Variants in ADGRF5 observed in about 807,000 individuals in gnomAD.
The protein encoded by ADGRF5 is adhesion G protein-coupled receptor F5, also known as G-protein coupled receptor 116.
A neutral mutation model predicts 132.3 loss-of-function variants in ADGRF5; 75 were observed. That is an observed-to-expected ratio of 0.57 (90% confidence interval 0.47 to 0.69). ADGRF5 has a LOEUF of 0.69. ADGRF5 is among the 30% of genes least tolerant of loss of function. The pLI is 0.00. For missense variants in ADGRF5, 1,516 were observed against 1,630.6 expected (o/e 0.93, Z 1.21); for synonymous variants, 629 against 597.6 (o/e 1.05, Z -0.77).
intron 3 of ADGRF5, among the ~76,000 whole-genome samples, chr6:46,892,719 C>T (rs1773775472): frequency 6.6e-6 from 1 of 152,124 alleles, no homozygotes; most frequent in African/African-American, 2.4e-5. Context: ...CACTGCACTC[C>T]AGCCTGGGAG....
At chr6:46,932,887 T>C (rs887229111) in intron 1 of ADGRF5, among the ~76,000 whole-genome samples, 1 of 152,212 alleles carries the variant, frequency 6.6e-6, no homozygotes, top group African/African-American at 2.4e-5. Context: ...ATACATAATA[T>C]GTCATGCACA....
At position 46,858,697 on chromosome 6, in the gene ADGRF5, A is replaced by G. The variant is rs1399365634; in HGVS notation, c.3206T>C (p.Ile1069Thr). Residue 1069 changes from isoleucine to threonine, a missense_variant, in exon 17 of 21, where the codon ATT becomes ACT. By Grantham distance (89) the Ile-to-Thr change is moderately conservative (BLOSUM62 -1). Transcript: ENST00000283296. ...ATTGTCCTGGATGGCAGCGACCACA[A>G]TGAACCAGGTGTTGGCGACCAGAAG... ...ASLLVANTWF[I>T]VVAAIQDNRY... is the part of the protein sequence containing the mutation. The G allele has an allele frequency of 6.2e-7, 1 of 1,614,164 alleles. No homozygotes were observed. The highest frequency in any genetic ancestry group is 8.5e-7 in the Non-Finnish European group (1 of 1,180,020).
At chr6:46,877,212 T>C (rs1771755028) in intron 10 of ADGRF5, among the ~76,000 whole-genome samples, 1 of 152,184 alleles carries the variant, frequency 6.6e-6, no homozygotes, top group African/African-American at 2.4e-5. Context: ...TGGTGAGTCC[T>C]AATTTATTTC....
chr6:46,934,290 T>C (rs886231284), intron 1 of ADGRF5, among the ~76,000 whole-genome samples: 2 of 152,186 alleles, frequency 1.3e-5, no homozygotes, highest in Non-Finnish European at 2.9e-5. Flanking sequence ...CCAGCACACA[T>C]AATTCTGGAC....
chr6:46,859,297 C>G lies in ADGRF5; in HGVS notation c.2606G>C (p.Arg869Thr), dbSNP rs777423789. 10 of 1,613,820 alleles carry G rather than the reference C, an allele frequency of 6.2e-6. No individual in the cohort carries two copies. The highest frequency in any genetic ancestry group is 2.2e-5 in the East Asian group (1 of 44,884). The change falls in exon 17 of 21, where the codon AGG (arginine) becomes ACG (threonine). Residue 869 changes from arginine to threonine, a missense_variant. This residue lies in a region of ADGRF5 where 571 missense variants were observed against 701.2 expected (regional missense o/e 0.81). Transcript: ENST00000283296. ...GAGGTCAAAGTATGGGAAAACAAAC[C>G]TCTGTTGATAGGTTTCTGGGTGGCT... ...KSSHPETYQQRFVFPYFDLWG... is the reference protein window; with the variant it reads ...KSSHPETYQQTFVFPYFDLWG...
At chr6:46,855,347 T>C (rs865980832) in intron 20 of ADGRF5, among the ~76,000 whole-genome samples, 1 of 152,220 alleles carries the variant, frequency 6.6e-6, no homozygotes, top group Admixed American at 6.5e-5. Flanking sequence ...TTTATGTATA[T>C]TTGCTTATTT....
chr6:46,860,628 A>G, intron 16 of ADGRF5, 87 bp downstream of exon 16: 1 of 904,818 alleles, frequency 1.1e-6, no homozygotes, highest in Non-Finnish European at 1.8e-6. Context: ...AGAAGCTGCA[A>G]TGGGGAGGAA....
rs536254666 is a variant in ADGRF5, at chr6:46,876,603, T to TTTG, written c.1240+1596_1240+1598dup. Among the ~76,000 whole-genome samples, 26 of 152,252 alleles carry TTTG rather than the reference T, an allele frequency of 1.7e-4. No individual in the cohort carries two copies. The East Asian group carries it at 4.4e-3, about 26-fold the overall frequency. ...AAAATTTGCCTGTAAATTGATAGTT[T>TTTG]TTGTTGTTGTTGTTGTTTGAGACAG... is the stretch of plus-strand genomic sequence containing the variant. On this transcript the variant is annotated intron_variant, in intron 10 of 20. Transcript: ENST00000283296.
At chr6:46,881,141 G>A (rs1772417623) in intron 8 of ADGRF5, among the ~76,000 whole-genome samples, 1 of 152,144 alleles carries the variant, frequency 6.6e-6, no homozygotes, top group South Asian at 2.1e-4. Flanking sequence ...TCTTATTGGT[G>A]CATTTTGTGA....
At position 46,858,867 on chromosome 6, in the gene ADGRF5, C is replaced by G; in HGVS notation, c.3036G>C (p.Leu1012=). ...PDPSSLLGIL[L]DIISYVGVGF... ...CCACCCCAACATAAGAAATAATATCCAGGAGTATTCCCAGGAGAGAACTAG... is the reference window on the plus strand; with the variant it reads ...CCACCCCAACATAAGAAATAATATCGAGGAGTATTCCCAGGAGAGAACTAG... The change falls in exon 17 of 21, where the codon CTG becomes CTC. Residue 1012 remains leucine (L), a synonymous_variant. Coordinates refer to ENST00000283296, the MANE Select transcript of ADGRF5 (RefSeq NM_001098518.2). 6.2e-7 allele frequency: 1 copy of G among 1,614,020 alleles called. No individual in the cohort carries two copies. Among genetic ancestry groups the G allele is most frequent in the South Asian group, 1.1e-5 (1 of 91,086 alleles).
At chr6:46,890,535 T>C (rs1027276363) in intron 3 of ADGRF5, among the ~76,000 whole-genome samples, 20 of 174 alleles carry the variant, frequency 0.11, no homozygotes, top group Non-Finnish European at 0.15. Context: ...CTGGCCAACA[T>C]GGGAAACCCC....
intron 1 of ADGRF5, among the ~76,000 whole-genome samples, chr6:46,951,239 T>C (rs1226544787): frequency 6.6e-6 from 1 of 152,148 alleles, no homozygotes; most frequent in African/African-American, 2.4e-5. Flanking sequence ...CAGAAAGGCA[T>C]AGGAGCAACA....
chr6:46,918,504 CCT>C (rs1491239509), intron 1 of ADGRF5, among the ~76,000 whole-genome samples: 1 of 152,048 alleles, frequency 6.6e-6, no homozygotes, highest in Non-Finnish European at 1.5e-5. Context: ...CTTTTTTTCC[CCT>C]TTCTCTTGGG....
chr6:46,946,754 A>G (rs1470273004), intron 1 of ADGRF5, among the ~76,000 whole-genome samples: 1 of 152,128 alleles, frequency 6.6e-6, no homozygotes, highest in Admixed American at 6.5e-5. Flanking sequence ...TGGTGGTGAG[A>G]AGGCCAATGG....
rs1351746424 is a variant in ADGRF5, at chr6:46,860,847, CA to C, written c.2246del (p.Leu749ArgfsTer8). 6.2e-7 allele frequency: 1 copy of C among 1,613,940 alleles called. No homozygotes were observed. The highest frequency in any genetic ancestry group is 1.7e-5 in the Admixed American group (1 of 60,018). The stretch of plus-strand genomic sequence containing the variant: ...TGTCTATGCTAATAGAAAGATCCTT[CA>C]GGTATGTAGGGAGCATCTCATCCTG... ...PSQDEMLPTY[L>X]KDLSISIDKA... On this transcript the variant is annotated frameshift_variant, in exon 16 of 21. Transcript: ENST00000283296. LOFTEE classifies it high-confidence loss of function.
chr6:46,897,584 T>C (rs1306499200), intron 3 of ADGRF5, among the ~76,000 whole-genome samples: 3 of 152,210 alleles, frequency 2.0e-5, no homozygotes, highest in Admixed American at 1.3e-4. Flanking sequence ...TGTTCTTTTT[T>C]TTCTCTTTGA....
chr6:46,881,074 G>A (rs1220336024), intron 8 of ADGRF5, among the ~76,000 whole-genome samples: 6 of 152,170 alleles, frequency 3.9e-5, no homozygotes, highest in East Asian at 1.9e-4. Context: ...CACTCCAGCC[G>A]GGATGACAGA....
At chr6:46,878,437 A>G (rs1187373133) in intron 9 of ADGRF5, 32 bp from the exon 10 acceptor site, 2 of 1,261,998 alleles carry the variant, frequency 1.6e-6, no homozygotes, top group Non-Finnish European at 2.3e-6. Flanking sequence ...ATGTATTATT[A>G]TAACACATGT....
chr6:46,854,800 GTT>G lies in ADGRF5; in HGVS notation c.3962-731_3962-730del, dbSNP rs1441429677. On this transcript the variant is annotated intron_variant, in intron 20 of 20. Transcript: ENST00000283296. The stretch of plus-strand genomic sequence containing the variant: ...GGGGCTGCTGACAACATAAACCAAA[GTT>G]ACGGTGCTTATGGGGCCCCCAAACA... 5 of 1,279,444 alleles carry G rather than the reference GTT, an allele frequency of 3.9e-6. No individual in the cohort carries two copies. The East Asian group carries it at 2.8e-4, about 71-fold the overall frequency. 79.3% of individuals were successfully genotyped at this position (1,279,444 alleles called of 1,614,324 possible).
Sources: gnomAD v4.1 joint callset for allele counts (sites outside exome capture counted in the v4.1 genomes callset) on GRCh38, gnomAD v4.1.1 for gene constraint, gnomAD v4.1.1 regional missense constraint, MANE v1.5 for transcripts, NCBI Gene and HGNC (gene_info 2026-07-23, HGNC 2026-07-21) for gene names.